Variants in FGD6 observed in about 807,000 individuals in gnomAD.
FGD6 encodes FYVE, RhoGEF and PH domain containing 6.
Under a neutral mutation model 149.4 loss-of-function variants are expected in FGD6, and 90 were observed. The observed-to-expected ratio is 0.60, with a 90% CI of 0.51 to 0.72. The LOEUF is 0.72. FGD6 is among the 30% of genes least tolerant of loss of function. FGD6 has a pLI of 0.00. For missense variants in FGD6, 1,437 were observed against 1,684.8 expected, an observed-to-expected ratio of 0.85 and a Z score of 2.57; for synonymous variants, 527 against 584.0, an observed-to-expected ratio of 0.90 and a Z score of 1.41.
chr12:95,102,443 CAAAAAAAAAA>C (rs55926317), intron 14 of FGD6, among the ~76,000 whole-genome samples: 2 of 104,262 alleles, frequency 1.9e-5, no homozygotes, highest in African/African-American at 3.7e-5. Context: ...GACCCTTTCT[CAAAAAAAAAA>C]AAAAAAAAAA....
chr12:95,200,113 T>G (rs1283616295), intron 2 of FGD6, among the ~76,000 whole-genome samples: 9 of 152,188 alleles, frequency 5.9e-5, no homozygotes, highest in Non-Finnish European at 8.8e-5. Flanking sequence ...ATCTACTCTT[T>G]AATTTCTAAT....
chr12:95,184,264 G>A (rs866160557), intron 2 of FGD6, among the ~76,000 whole-genome samples: 2 of 152,106 alleles, frequency 1.3e-5, no homozygotes, highest in Admixed American at 6.6e-5. Context: ...ATCATATCTG[G>A]GATTTCCCAC....
At chr12:95,082,099 A>G (rs1877694709) in intron 20 of FGD6, among the ~76,000 whole-genome samples, 1 of 152,200 alleles carries the variant, frequency 6.6e-6, no homozygotes, top group South Asian at 2.1e-4. Context: ...GGAAGGGACC[A>G]TTTCATGTAT....
chr12:95,125,486 A>T (rs1879308238), intron 8 of FGD6, among the ~76,000 whole-genome samples: 2 of 152,106 alleles, frequency 1.3e-5, no homozygotes, highest in African/African-American at 4.8e-5. Context: ...AATAGAAAAA[A>T]TTAGCCGGGT....
intron 5 of FGD6, among the ~76,000 whole-genome samples, chr12:95,145,867 T>A (rs1880000835): frequency 6.6e-6 from 1 of 151,954 alleles, no homozygotes; most frequent in South Asian, 2.1e-4. Flanking sequence ...AGATATGGGG[T>A]TTCACCAGGT....
At chr12:95,170,604 T>C (rs1880964325) in intron 3 of FGD6, among the ~76,000 whole-genome samples, 1 of 152,206 alleles carries the variant, frequency 6.6e-6, no homozygotes, top group South Asian at 2.1e-4. Flanking sequence ...ATCGCGCCAT[T>C]GTACTCCAGC....
At chr12:95,104,341 G>A (rs1264530627) in intron 14 of FGD6, among the ~76,000 whole-genome samples, 30 of 152,112 alleles carry the variant, frequency 2.0e-4, no homozygotes. Flanking sequence ...ACTCACACCT[G>A]TAATCTCAGC....
chr12:95,207,371 T>G (rs1172223588), intron 2 of FGD6, among the ~76,000 whole-genome samples: 2 of 152,200 alleles, frequency 1.3e-5, no homozygotes, highest in Non-Finnish European at 2.9e-5. Flanking sequence ...AGTATGTTTT[T>G]ATTAGTAGCG....
At chr12:95,120,231 A>G (rs1879147872) in intron 8 of FGD6, among the ~76,000 whole-genome samples, 1 of 151,816 alleles carries the variant, frequency 6.6e-6, no homozygotes, top group South Asian at 2.1e-4. Context: ...CGTCTCAAAA[A>G]TAAATAAATA....
Position 95,210,854 on chromosome 12 carries a change from T to C in FGD6, c.430A>G (p.Asn144Asp). Residue 144 changes from asparagine (N) to aspartate (D), a missense_variant, in exon 2 of 21, where the codon AAC becomes GAC. By Grantham distance (23) the Asn-to-Asp change is conservative. This residue lies in a region of FGD6 where 1,055 missense variants were observed against 1,146.0 expected (regional missense o/e 0.92). Transcript: ENST00000343958. ...GTCAAAGTCTCATCAATTTTACTGTTTTCTAAATTTTCATTCATTTCCAGG... is the reference window on the plus strand; with the variant it reads ...GTCAAAGTCTCATCAATTTTACTGTCTTCTAAATTTTCATTCATTTCCAGG... ...EPLEMNENLE[N>D]SKIDETLTIK... 1 of 1,610,420 alleles carries C rather than the reference T, an allele frequency of 6.2e-7. No individual in the cohort carries two copies. The highest frequency in any genetic ancestry group is 8.5e-7 in the Non-Finnish European group (1 of 1,179,198).
rs1165962181 is a variant in FGD6, at chr12:95,100,061, C to G, written c.3497+4946G>C. 2.2e-5 allele frequency among the ~76,000 whole-genome samples: 3 copies of G among 137,574 alleles called. No homozygotes were observed. The East Asian group carries it at 7.2e-4, about 33-fold the overall frequency. The allele number at this position is 137,574 out of a possible 152,430, so 90.3% of individuals were successfully genotyped here. A position where few individuals can be genotyped will look rare whatever the true frequency, so the allele number is the denominator to read the frequency against. On this transcript the variant is annotated intron_variant, in intron 14 of 20. Transcript: ENST00000343958. Reference sequence around the variant, plus strand: ...TCAGAGATAACTTTTCTGATCCCCCCCCCCCCCACCCCATATAAGTTCTTG... The same window carrying G: ...TCAGAGATAACTTTTCTGATCCCCCGCCCCCCCACCCCATATAAGTTCTTG...
intron 8 of FGD6, chr12:95,116,751 T>TCCATCCATCCATCCATCAAC: frequency 2.3e-6 from 1 of 442,814 alleles, no homozygotes; most frequent in Non-Finnish European, 4.5e-6. Flanking sequence ...AACTTATCCA[T>TCCATCCATCCATCCATCAAC]CCATCCATCC....
intron 3 of FGD6, among the ~76,000 whole-genome samples, chr12:95,161,444 C>T (rs574134733): frequency 6.6e-6 from 1 of 151,796 alleles, no homozygotes; most frequent in African/African-American, 2.4e-5. Context: ...TGCAGTGAGC[C>T]GAGATCACAC....
intron 5 of FGD6, among the ~76,000 whole-genome samples, chr12:95,151,008 G>A (rs1430007203): frequency 1.3e-5 from 2 of 151,808 alleles, no homozygotes; most frequent in Non-Finnish European, 2.9e-5. Flanking sequence ...TGGGAGGATC[G>A]CTTGAGCCCA....
At chr12:95,211,816 G>A (rs546736907) in intron 1 of FGD6, among the ~76,000 whole-genome samples, 2 of 152,108 alleles carry the variant, frequency 1.3e-5, no homozygotes, top group Non-Finnish European at 2.9e-5. Flanking sequence ...GGGATTATAG[G>A]CGTGAGCCAC....
At chr12:95,208,661 T>C (rs1035542043) in intron 2 of FGD6, among the ~76,000 whole-genome samples, 182 bp downstream of exon 2, 3 of 152,204 alleles carry the variant, frequency 2.0e-5, no homozygotes, top group African/African-American at 7.2e-5. Flanking sequence ...TACTTCAAGC[T>C]TGTATTGCAA....
chr12:95,160,683 G>T (rs1181627709), intron 3 of FGD6, among the ~76,000 whole-genome samples: 1 of 152,120 alleles, frequency 6.6e-6, no homozygotes, highest in Admixed American at 6.6e-5. Flanking sequence ...AACAGCTTAT[G>T]ATATTTTAAT....
chr12:95,177,908 A>AATTTATTTATTT (rs71078616), intron 2 of FGD6, among the ~76,000 whole-genome samples: 30,984 of 142,190 alleles, frequency 0.22, 3,774 homozygotes, highest in East Asian at 0.35. Flanking sequence ...TTTAAACAAC[A>AATTTATTTATTT]ATTTATTTAT....
Position 95,091,803 on chromosome 12 carries a change from A to G in FGD6, c.3754T>C (p.Cys1252Arg). 6.2e-7 allele frequency: 1 copy of G among 1,610,548 alleles called. No homozygotes were observed. Among genetic ancestry groups the G allele is most frequent in the Non-Finnish European group, 8.5e-7 (1 of 1,178,068 alleles). The change falls in exon 17 of 21, where the codon TGC becomes CGC. Residue 1252 changes from cysteine (C) to arginine (R), a missense_variant. Cys to Arg is a radical substitution (Grantham distance 180). Transcript: ENST00000343958. ...HHCRACGKIV[C>R]QACSSNKYGL... is the part of the protein sequence containing the mutation. ...TACTTATTAGACGAACAAGCTTGGC[A>G]TACAATCTGAAAACACATTGGAATT...
Sources: allele counts gnomAD v4.1 joint callset (sites outside exome capture counted in the v4.1 genomes callset), GRCh38; gene constraint gnomAD v4.1.1; regional missense constraint gnomAD v4.1.1; transcripts MANE v1.5; gene names NCBI Gene and HGNC (gene_info 2026-07-23, HGNC 2026-07-21).